SYNJ2: variants seen among roughly 807,000 people sequenced by gnomAD.
SYNJ2 encodes the protein synaptojanin 2.
A neutral mutation model predicts 141.3 loss-of-function variants in SYNJ2; 116 were observed. The ratio of observed to expected loss-of-function variants is 0.82; its 90% CI spans 0.71 to 0.96. The LOEUF (loss-of-function observed/expected upper bound fraction) is 0.96, where lower values mean the gene tolerates loss of function less well. SYNJ2 is among the 40% of genes least tolerant of loss of function. The pLI is 0.00. For synonymous variants in SYNJ2, 745 were observed against 777.7 expected (o/e 0.96, Z 0.70); for missense variants, 1,873 against 1,934.8 (o/e 0.97, Z 0.60).
At chr6:158,021,829 G>A (rs941358845) in intron 2 of SYNJ2, among the ~76,000 whole-genome samples, 3 of 152,244 alleles carry the variant, frequency 2.0e-5, no homozygotes, top group South Asian at 4.1e-4. Context: ...CCTGTGCCCA[G>A]TGGTGGGATA....
intron 1 of SYNJ2, among the ~76,000 whole-genome samples, chr6:157,985,627 G>C (rs1031367260): frequency 4.6e-5 from 7 of 152,302 alleles, no homozygotes; most frequent in African/African-American, 1.7e-4. Context: ...TGTAAACTTA[G>C]GGAAAAGTGC....
intron 6 of SYNJ2, among the ~76,000 whole-genome samples, chr6:158,057,344 C>G (rs936809914): frequency 6.6e-6 from 1 of 151,908 alleles, no homozygotes; most frequent in Non-Finnish European, 1.5e-5. Context: ...CCCTTACGCC[C>G]TGGGTGCCAG....
chr6:158,023,774 C>G (rs1196765593), intron 2 of SYNJ2, among the ~76,000 whole-genome samples: 2 of 152,164 alleles, frequency 1.3e-5, no homozygotes, highest in Non-Finnish European at 2.9e-5. Context: ...AAGGTCAGGA[C>G]TAGGTAGCAA....
At chr6:158,074,261 G>T (rs1782126661) in intron 15 of SYNJ2, among the ~76,000 whole-genome samples, 2 of 152,200 alleles carry the variant, frequency 1.3e-5, no homozygotes, top group Admixed American at 6.5e-5. Context: ...ACACTCCAAA[G>T]TAAGGGTGCA....
intron 8 of SYNJ2, 108 bp from the exon 9 acceptor site, chr6:158,063,683 A>T: frequency 1.5e-6 from 1 of 666,098 alleles, no homozygotes; most frequent in South Asian, 2.0e-5. Context: ...AAAAAAAAAA[A>T]AAAACCATGT....
chr6:158,059,615 T>C, intron 7 of SYNJ2: 1 of 1,115,842 alleles, frequency 9.0e-7, no homozygotes, highest in Non-Finnish European at 1.1e-6. Flanking sequence ...AGTGCAGTGG[T>C]GCAATCTCAG....
At chr6:158,095,592 A>T (rs755706328) in intron 26 of SYNJ2, 26 bp from the exon 27 acceptor site, 2 of 1,553,642 alleles carry the variant, frequency 1.3e-6, no homozygotes, top group South Asian at 2.5e-5. Context: ...CTTCTTATTT[A>T]CACTCTTTGT....
At chr6:158,000,275 G>T (rs1372898886) in intron 1 of SYNJ2, among the ~76,000 whole-genome samples, 1 of 152,090 alleles carries the variant, frequency 6.6e-6, no homozygotes, top group Admixed American at 6.6e-5. Flanking sequence ...GTACGTAAGA[G>T]CAGACATGTA....
chr6:158,056,090 A>G (rs550883418), intron 6 of SYNJ2, among the ~76,000 whole-genome samples: 2 of 152,352 alleles, frequency 1.3e-5, no homozygotes, highest in South Asian at 4.1e-4. Context: ...TCAAAACAAA[A>G]CAAACAAAAA....
intron 5 of SYNJ2, among the ~76,000 whole-genome samples, chr6:158,049,947 G>A (rs575957158): frequency 5.8e-4 from 88 of 151,112 alleles, no homozygotes; most frequent in African/African-American, 2.1e-3. Flanking sequence ...TCTGCAGGTG[G>A]GGACATGCCT....
At chr6:157,991,609 C>T (rs1241168549) in intron 1 of SYNJ2, among the ~76,000 whole-genome samples, 1 of 152,124 alleles carries the variant, frequency 6.6e-6, no homozygotes, top group Non-Finnish European at 1.5e-5. Context: ...AGATTCCATG[C>T]GTCTTAAAAG....
rs563430257 is a variant in SYNJ2 at position 157,982,883 on chromosome 6, G to A, written c.127+795G>A. On this transcript the variant is annotated intron_variant, in intron 1 of 26. Transcript: ENST00000355585. This position sits in a 1 kb window ranked among gnomAD's most constrained non-coding sequence, Gnocchi z 4.0. ...CTGTTTCTGTAATGTCATTCAATGCGTGGCTTCCTGGTATCGCTAACCTGG... is the reference window on the plus strand; with the variant it reads ...CTGTTTCTGTAATGTCATTCAATGCATGGCTTCCTGGTATCGCTAACCTGG... Among the ~76,000 whole-genome samples, 13 of 152,284 alleles carry A rather than the reference G, an allele frequency of 8.5e-5. No homozygotes were observed. The highest frequency in any genetic ancestry group is 2.6e-4 in the African/African-American group (11 of 41,558).
At position 158,074,569 on chromosome 6, in the gene SYNJ2, T is replaced by G. The variant is rs1028580852; in HGVS notation, c.2134-11T>G. On this transcript the variant is annotated splice_polypyrimidine_tract_variant and intron_variant, in intron 15 of 26. Coordinates refer to ENST00000355585, the MANE Select transcript of SYNJ2 (RefSeq NM_003898.4). The stretch of plus-strand genomic sequence containing the variant: ...ATGGGCTGAATGATTATGATTTTCT[T>G]TTCAACTTAGGGGAGAAATGTTTTT... 1.9e-6 allele frequency: 3 copies of G among 1,608,264 alleles called. No individual in the cohort carries two copies. The South Asian group carries it at 3.3e-5, about 18-fold the overall frequency.
Position 158,086,888 on chromosome 6 carries a change from TG to T in SYNJ2, c.3244del (p.Glu1082LysfsTer36). On this transcript the variant is annotated frameshift_variant, in exon 23 of 27. Transcript: ENST00000355585. LOFTEE classifies it high-confidence loss of function. ...DADLVELKRELEAVGEFRHRS... is the reference protein window; with the variant it reads ...DADLVELKREXEAVGEFRHRS... The stretch of plus-strand genomic sequence containing the variant: ...GACCTGGTGGAGCTCAAGCGGGAGC[TG>T]GAAGCCGTCGGGGAGTTCCGCCACC... 1 of 1,611,166 alleles carries T rather than the reference TG, an allele frequency of 6.2e-7. No individual in the cohort carries two copies. Among genetic ancestry groups the T allele is most frequent in the Non-Finnish European group, 8.5e-7 (1 of 1,180,014 alleles).
At chr6:158,055,628 TA>T (rs1413794009) in intron 6 of SYNJ2, among the ~76,000 whole-genome samples, 2 of 152,156 alleles carry the variant, frequency 1.3e-5, no homozygotes, top group Non-Finnish European at 2.9e-5. Flanking sequence ...TTTGAAATAA[TA>T]ACTTCTTAAA....
intron 4 of SYNJ2, among the ~76,000 whole-genome samples, chr6:158,035,155 G>T (rs2128339588): frequency 6.6e-6 from 1 of 152,258 alleles, no homozygotes; most frequent in South Asian, 2.1e-4. Flanking sequence ...GATTGCCTTG[G>T]CTATTCGGGC....
intron 2 of SYNJ2, among the ~76,000 whole-genome samples, chr6:158,022,988 A>G (rs1214502718): frequency 6.6e-6 from 1 of 152,050 alleles, no homozygotes. Flanking sequence ...GGTGGCTCAT[A>G]CCTGTAATCC....
At position 158,081,276 on chromosome 6, in the gene SYNJ2, G is replaced by A. The variant is rs151268691; in HGVS notation, c.2735G>A (p.Arg912His). ...EEKNEFPEDL[R>H]TELMQTLGSY... ...AAAAACGAGTTTCCAGAGGACCTGC[G>A]TACTGAGCTCATGCAGACCTTGGGG... is the stretch of plus-strand genomic sequence containing the variant. Residue 912 changes from arginine (R) to histidine (H), a missense_variant, in exon 19 of 27, where the codon CGT (arginine) becomes CAT (histidine). Transcript: ENST00000355585. 39 of 1,613,990 alleles carry A rather than the reference G, an allele frequency of 2.4e-5. No individual in the cohort carries two copies. Among genetic ancestry groups the A allele is most frequent in the Middle Eastern group, 1.6e-4 (1 of 6,084 alleles).
At chr6:157,989,345 A>C (rs7772395) in intron 1 of SYNJ2, among the ~76,000 whole-genome samples, 32,246 of 150,006 alleles carry the variant, frequency 0.21, 3,801 homozygotes, top group African/African-American at 0.29. Flanking sequence ...GAGGCCTAAG[A>C]ACTTGCCTGA....
Sources: gnomAD v4.1 joint callset for allele counts (sites outside exome capture counted in the v4.1 genomes callset) on GRCh38, gnomAD v4.1.1 for gene constraint, Gnocchi (gnomAD v3.1) non-coding constraint, MANE v1.5 for transcripts, NCBI Gene and HGNC (gene_info 2026-07-23, HGNC 2026-07-21) for gene names.